DLGAP2: variants seen among roughly 807,000 people sequenced by gnomAD.
DLGAP2 encodes disks large-associated protein 2.
A neutral mutation model predicts 100.3 loss-of-function variants in DLGAP2; 26 were observed. That is an observed-to-expected ratio of 0.26 (90% CI 0.19 to 0.36). The LOEUF (loss-of-function observed/expected upper bound fraction) is 0.36. Among genes scored for constraint, DLGAP2 ranks in the 10% least tolerant of loss-of-function variants. DLGAP2 has a pLI of 1.00. For synonymous variants in DLGAP2, 886 were observed against 630.1 expected (o/e 1.41, Z -6.08); for missense variants, 1,858 against 1,453.2 (o/e 1.28, Z -4.53).
At chr8:900,766 T>C (rs574689263) in intron 1 of DLGAP2, among the ~76,000 whole-genome samples, 2 of 152,196 alleles carry the variant, frequency 1.3e-5, no homozygotes, top group South Asian at 4.2e-4. Flanking sequence ...AGCTGAGATA[T>C]TCACTGAAGG....
At chr8:1,111,176 A>G (rs1804945605) in intron 2 of DLGAP2, among the ~76,000 whole-genome samples, 1 of 152,232 alleles carries the variant, frequency 6.6e-6, no homozygotes. Flanking sequence ...GCTACAGAAA[A>G]TAAATTAAAT....
At chr8:1,584,448 G>A (rs537129850) in intron 6 of DLGAP2, among the ~76,000 whole-genome samples, 2 of 152,290 alleles carry the variant, frequency 1.3e-5, no homozygotes, top group South Asian at 4.2e-4. Context: ...ATGCTCCTGG[G>A]GAGGAGGCAT....
chr8:1,178,348 G>T (rs571458855), intron 2 of DLGAP2, among the ~76,000 whole-genome samples: 1 of 152,092 alleles, frequency 6.6e-6, no homozygotes, highest in Admixed American at 6.5e-5. Flanking sequence ...CCGGGGTTGC[G>T]GAGGGGCGGC....
At chr8:900,613 T>C (rs898678448) in intron 1 of DLGAP2, among the ~76,000 whole-genome samples, 2 of 152,178 alleles carry the variant, frequency 1.3e-5, no homozygotes, top group African/African-American at 4.8e-5. Flanking sequence ...CATGGATGGC[T>C]CCTGCCCCAT....
At chr8:1,526,310 A>T (rs1455027906) in intron 4 of DLGAP2, among the ~76,000 whole-genome samples, 1 of 150,964 alleles carries the variant, frequency 6.6e-6, no homozygotes, top group Non-Finnish European at 1.5e-5. Context: ...TAACCTTCCT[A>T]CCTCTTACCT....
At chr8:809,577 A>C (rs1433631346) in intron 1 of DLGAP2, among the ~76,000 whole-genome samples, 1 of 151,930 alleles carries the variant, frequency 6.6e-6, no homozygotes, top group Non-Finnish European at 1.5e-5. Flanking sequence ...TGGCATTGGG[A>C]AAAGCCATAA....
intron 1 of DLGAP2, among the ~76,000 whole-genome samples, chr8:800,953 C>CG (rs1306024385): frequency 1.3e-5 from 2 of 152,066 alleles, no homozygotes; most frequent in African/African-American, 4.8e-5. Flanking sequence ...GTTGTGCCCC[C>CG]CCACCCTTCC....
At chr8:1,330,185 G>A (rs1160603224) in intron 3 of DLGAP2, among the ~76,000 whole-genome samples, 1 of 152,146 alleles carries the variant, frequency 6.6e-6, no homozygotes. Context: ...TGGTGCTGAC[G>A]CCCAGGGACT....
intron 12 of DLGAP2, among the ~76,000 whole-genome samples, chr8:1,687,426 CAT>C (rs1201809799): frequency 6.6e-6 from 1 of 152,176 alleles, no homozygotes; most frequent in Non-Finnish European, 1.5e-5. Context: ...AAATTAGAGA[CAT>C]ATACTGGGAG....
At chr8:1,249,060 G>A (rs1476307659) in intron 2 of DLGAP2, among the ~76,000 whole-genome samples, 2 of 152,150 alleles carry the variant, frequency 1.3e-5, no homozygotes, top group African/African-American at 4.8e-5. Context: ...AGACTAAGCT[G>A]GGACAGAGGC....
chr8:1,324,552 C>G (rs1449869370), intron 3 of DLGAP2, among the ~76,000 whole-genome samples: 1 of 152,182 alleles, frequency 6.6e-6, no homozygotes, highest in African/African-American at 2.4e-5. Flanking sequence ...GTAAAACTGT[C>G]CAGGACACAG....
chr8:1,221,278 C>T (rs377751545), intron 2 of DLGAP2, among the ~76,000 whole-genome samples: 4 of 152,134 alleles, frequency 2.6e-5, no homozygotes, highest in Admixed American at 6.5e-5. Context: ...AGGACCTCTT[C>T]GAAGGCAGGT....
chr8:1,249,778 A>C (rs1043876037), intron 2 of DLGAP2, among the ~76,000 whole-genome samples: 9 of 152,204 alleles, frequency 5.9e-5, no homozygotes, highest in Admixed American at 1.3e-4. Flanking sequence ...TTTTTTAGCT[A>C]GTTCTTAACC....
intron 2 of DLGAP2, among the ~76,000 whole-genome samples, chr8:1,008,923 G>T (rs1801199500): frequency 6.6e-6 from 1 of 152,246 alleles, no homozygotes; most frequent in South Asian, 2.1e-4. Context: ...ACCCTGTGAG[G>T]AGCTGGAGTC....
At chr8:766,667 C>G (rs1220673886) in intron 1 of DLGAP2, among the ~76,000 whole-genome samples, 1 of 152,140 alleles carries the variant, frequency 6.6e-6, no homozygotes, top group African/African-American at 2.4e-5. Context: ...GGGCACCGTG[C>G]AGTCTCACAG....
At chr8:1,067,114 C>T (rs1284624936) in intron 2 of DLGAP2, among the ~76,000 whole-genome samples, 4 of 152,168 alleles carry the variant, frequency 2.6e-5, no homozygotes, top group Non-Finnish European at 5.9e-5. Flanking sequence ...CCAGCCTCTC[C>T]GCACAGCCCC....
chr8:1,407,517 G>A (rs113637360), intron 3 of DLGAP2, among the ~76,000 whole-genome samples: 3 of 49,036 alleles, frequency 6.1e-5, no homozygotes, highest in East Asian at 9.2e-4. Context: ...CCTCCTCATC[G>A]TCCAGAGTCG....
chr8:1,066,167 G>C (rs1458771684), intron 2 of DLGAP2, among the ~76,000 whole-genome samples: 1 of 151,710 alleles, frequency 6.6e-6, no homozygotes, highest in African/African-American at 2.4e-5. Context: ...AGGTATGAGC[G>C]AGGACAGTTC....
Position 1,678,279 on chromosome 8 carries a change from G to T in DLGAP2, c.2354G>T (p.Gly785Val), listed in dbSNP as rs1798857736. 1 of 1,613,824 alleles carries T rather than the reference G, an allele frequency of 6.2e-7. No individual in the cohort carries two copies. Among genetic ancestry groups the T allele is most frequent in the Admixed American group, 1.7e-5 (1 of 60,018 alleles). ...AAVQADLELE[G>V]FPGHITTEDK... ...GTCCAAGCTGACCTGGAGCTGGAGG[G>T]GTTCCCAGGCCACATCACCACGGAG... Residue 785 changes from glycine (G) to valine (V), a missense_variant, in exon 12 of 15, where the codon GGG becomes GTG. Gly to Val is a moderately radical substitution (Grantham distance 109). Transcript: ENST00000637795.
Sources: allele counts gnomAD v4.1 joint callset (sites outside exome capture counted in the v4.1 genomes callset), GRCh38; gene constraint gnomAD v4.1.1; transcripts MANE v1.5; gene names NCBI Gene and HGNC (gene_info 2026-07-23, HGNC 2026-07-21).